EPHA6: variants seen among roughly 807,000 people sequenced by gnomAD.
EPHA6 encodes EPH receptor A6.
EPHA6 carries 50 observed loss-of-function variants against 112.0 expected under a neutral mutation model. That is an observed-to-expected ratio of 0.45 (90% CI 0.36 to 0.56). The LOEUF is 0.56. EPHA6 is among the 20% of genes least tolerant of loss of function. EPHA6 has a pLI of 0.00. For missense variants in EPHA6, 1,280 were observed against 1,417.4 expected (o/e 0.90, Z 1.56); for synonymous variants, 529 against 490.7 (o/e 1.08, Z -1.03).
intron 15 of EPHA6, among the ~76,000 whole-genome samples, chr3:97,728,136 C>A (rs1328148394): frequency 1.3e-5 from 2 of 151,866 alleles, no homozygotes; most frequent in African/African-American, 4.8e-5. Flanking sequence ...TTCAAATTCC[C>A]TTTTTCTTTG....
chr3:97,328,079 A>ATATATATAT (rs398038939), intron 5 of EPHA6, among the ~76,000 whole-genome samples: 34 of 138,604 alleles, frequency 2.5e-4, no homozygotes, highest in African/African-American at 6.4e-4. Flanking sequence ...ATATATATAT[A>ATATATATAT]ACCTGTTTTG....
At chr3:97,042,519 A>C (rs1195758175) in intron 3 of EPHA6, among the ~76,000 whole-genome samples, 1 of 152,116 alleles carries the variant, frequency 6.6e-6, no homozygotes, top group Non-Finnish European at 1.5e-5. Context: ...CTCAGCCCAA[A>C]TTATTGAAAT....
chr3:97,395,838 CA>C (rs2086665063), intron 5 of EPHA6, among the ~76,000 whole-genome samples: 1 of 151,174 alleles, frequency 6.6e-6, no homozygotes, highest in South Asian at 2.1e-4. Flanking sequence ...AGAAGGAAGG[CA>C]GGGGCATCTT....
At chr3:97,642,759 GA>G (rs2094020197) in intron 14 of EPHA6, among the ~76,000 whole-genome samples, 1 of 151,816 alleles carries the variant, frequency 6.6e-6, no homozygotes, top group Non-Finnish European at 1.5e-5. Flanking sequence ...AAAAAGAAAT[GA>G]GCAAATCCTC....
intron 14 of EPHA6, among the ~76,000 whole-genome samples, chr3:97,684,868 C>T (rs1247458963): frequency 6.6e-6 from 1 of 152,136 alleles, no homozygotes; most frequent in Non-Finnish European, 1.5e-5. Context: ...CAGAAGATCT[C>T]TCCTGTGAAA....
chr3:97,742,288 T>C (rs2035537859), intron 16 of EPHA6, among the ~76,000 whole-genome samples: 1 of 152,142 alleles, frequency 6.6e-6, no homozygotes, highest in Non-Finnish European at 1.5e-5. Flanking sequence ...AGACCTATTT[T>C]CTGATCCTGG....
chr3:97,319,691 A>G (rs1166684196), intron 5 of EPHA6, among the ~76,000 whole-genome samples: 2 of 151,192 alleles, frequency 1.3e-5, no homozygotes, highest in Non-Finnish European at 2.9e-5. Context: ...CAAAAAACAA[A>G]AAAAAAACAA....
intron 3 of EPHA6, among the ~76,000 whole-genome samples, chr3:97,115,705 A>T (rs1275617923): frequency 1.3e-5 from 2 of 151,776 alleles, no homozygotes; most frequent in Non-Finnish European, 2.9e-5. Context: ...TGTTTTGTGG[A>T]TGTGTGTCCC....
intron 3 of EPHA6, among the ~76,000 whole-genome samples, chr3:97,048,645 G>A (rs1016987118): frequency 5.9e-5 from 9 of 152,076 alleles, no homozygotes; most frequent in Non-Finnish European, 8.8e-5. Context: ...AACCACAGGG[G>A]TCATTAGATC....
At chr3:97,368,418 A>G (rs1386385279) in intron 5 of EPHA6, among the ~76,000 whole-genome samples, 1 of 152,182 alleles carries the variant, frequency 6.6e-6, no homozygotes, top group Non-Finnish European at 1.5e-5. Context: ...TTGAAAATAT[A>G]AATGCTTATG....
chr3:96,964,568 CT>C (rs1280178102), intron 2 of EPHA6, among the ~76,000 whole-genome samples: 1 of 151,994 alleles, frequency 6.6e-6, no homozygotes. Context: ...GTTATACGAT[CT>C]GTGTTTGTTG....
chr3:97,202,365 T>G (rs78284430), intron 3 of EPHA6, among the ~76,000 whole-genome samples: 1 of 151,918 alleles, frequency 6.6e-6, no homozygotes, highest in African/African-American at 2.4e-5. Flanking sequence ...TTTTTTTTTT[T>G]TGAGAGATGG....
At chr3:97,405,090 G>T in intron 5 of EPHA6, 60 bp from the exon 6 acceptor site, 3 of 1,515,372 alleles carry the variant, frequency 2.0e-6, no homozygotes, top group Non-Finnish European at 2.7e-6. Flanking sequence ...AAATATTAAA[G>T]AAAGGATAAT....
intron 13 of EPHA6, among the ~76,000 whole-genome samples, chr3:97,637,495 G>A (rs2093958270): frequency 6.6e-6 from 1 of 151,952 alleles, no homozygotes; most frequent in South Asian, 2.1e-4. Flanking sequence ...TGTACAGCTG[G>A]TTCAAAGCTC....
At chr3:97,276,669 G>A (rs2080092833) in intron 5 of EPHA6, among the ~76,000 whole-genome samples, 2 of 152,202 alleles carry the variant, frequency 1.3e-5, no homozygotes, top group Middle Eastern at 3.4e-3. Context: ...AGTCGGGAGC[G>A]GATTGGGTAA....
intron 2 of EPHA6, among the ~76,000 whole-genome samples, chr3:96,958,523 A>G (rs2041845936): frequency 6.6e-6 from 1 of 152,298 alleles, no homozygotes. Flanking sequence ...ATTGATTACA[A>G]TAATAGTCAA....
chr3:97,501,745 GAATATTA>G (rs1364091870), intron 10 of EPHA6, among the ~76,000 whole-genome samples: 1 of 152,026 alleles, frequency 6.6e-6, no homozygotes, highest in Admixed American at 6.5e-5. Flanking sequence ...AAGAAATGAT[GAATATTA>G]AAGAGCTAAG....
At chr3:96,835,060 A>G (rs1240191060) in intron 1 of EPHA6, among the ~76,000 whole-genome samples, 3 of 152,070 alleles carry the variant, frequency 2.0e-5, no homozygotes, top group Non-Finnish European at 4.4e-5. Flanking sequence ...TCAAAAACTG[A>G]CATAATGAGT....
chr3:97,413,598 G>A (rs747998660), intron 6 of EPHA6, among the ~76,000 whole-genome samples: 1 of 152,044 alleles, frequency 6.6e-6, no homozygotes, highest in Non-Finnish European at 1.5e-5. Context: ...CAATGGAAAT[G>A]AGGCTATGAT....
Sources: gnomAD v4.1 joint callset for allele counts (sites outside exome capture counted in the v4.1 genomes callset) on GRCh38, gnomAD v4.1.1 for gene constraint, MANE v1.5 for transcripts, NCBI Gene and HGNC (gene_info 2026-07-23, HGNC 2026-07-21) for gene names.